TMED10: variants seen among roughly 807,000 people sequenced by gnomAD.
The protein encoded by TMED10 is transmembrane emp24 domain-containing protein 10.
A neutral mutation model predicts 23.1 loss-of-function variants in TMED10; 7 were observed. That is an observed-to-expected ratio of 0.30 (90% CI 0.17 to 0.57). The LOEUF is 0.57. Among genes scored for constraint, TMED10 ranks in the 20% least tolerant of loss-of-function variants. TMED10 has a pLI of 0.91. For missense variants in TMED10, 162 were observed against 274.8 expected (o/e 0.59, Z 2.90); for synonymous variants, 113 against 106.9 (o/e 1.06, Z -0.35).
intron 1 of TMED10, among the ~76,000 whole-genome samples, chr14:75,169,870 G>A (rs565064458): frequency 6.6e-6 from 1 of 152,274 alleles, no homozygotes; most frequent in South Asian, 2.1e-4. Flanking sequence ...GCACTTAGGA[G>A]TTGCACTCCA....
chr14:75,143,249 CT>C (rs1449164294), intron 3 of TMED10, among the ~76,000 whole-genome samples: 1 of 152,178 alleles, frequency 6.6e-6, no homozygotes, highest in African/African-American at 2.4e-5. Flanking sequence ...ATGGTAGGTA[CT>C]GTTTGGAAAA....
intron 2 of TMED10, among the ~76,000 whole-genome samples, chr14:75,150,736 C>T (rs531405762): frequency 2.2e-4 from 33 of 152,210 alleles, no homozygotes; most frequent in Non-Finnish European, 3.5e-4. Flanking sequence ...ATTTGCACAA[C>T]GAAATCACCT....
chr14:75,154,981 CAG>C (rs1175790764), intron 1 of TMED10, among the ~76,000 whole-genome samples: 1 of 146,522 alleles, frequency 6.8e-6, no homozygotes, highest in Non-Finnish European at 1.5e-5. Flanking sequence ...TTTTTTGAGA[CAG>C]AGTCTCGCTG....
chr14:75,140,887 A>G (rs534172640), intron 3 of TMED10, among the ~76,000 whole-genome samples: 13 of 152,206 alleles, frequency 8.5e-5, no homozygotes, highest in Non-Finnish European at 1.8e-4. Context: ...CTCTATTACA[A>G]AGTAGTAATA....
intron 1 of TMED10, among the ~76,000 whole-genome samples, chr14:75,173,191 G>C (rs1464171392): frequency 6.6e-6 from 1 of 152,216 alleles, no homozygotes; most frequent in Non-Finnish European, 1.5e-5. Flanking sequence ...TTCGAGACCA[G>C]CCTGGGTAAC....
At chr14:75,156,916 A>AAAGAG (rs1555356390) in intron 1 of TMED10, among the ~76,000 whole-genome samples, 5 of 135,472 alleles carry the variant, frequency 3.7e-5, no homozygotes, top group South Asian at 2.4e-4. Context: ...CCGTCTCAAA[A>AAAGAG]AAAAGAAAAG....
intron 1 of TMED10, among the ~76,000 whole-genome samples, chr14:75,164,105 G>A (rs1360621283): frequency 2.0e-5 from 3 of 151,438 alleles, no homozygotes; most frequent in Non-Finnish European, 2.9e-5. Flanking sequence ...TTGCTCTGTC[G>A]TAAAGGCTGG....
chr14:75,137,227 G>T (rs1895760842), intron 3 of TMED10, among the ~76,000 whole-genome samples: 1 of 150,104 alleles, frequency 6.7e-6, no homozygotes. Context: ...GGTCAGGATG[G>T]TCTCGATCTC....
chr14:75,164,566 TA>T (rs1896133682), intron 1 of TMED10, among the ~76,000 whole-genome samples: 6 of 2,814 alleles, frequency 2.1e-3, no homozygotes, highest in Non-Finnish European at 5.3e-3. Context: ...TATATATATA[TA>T]TATATATATA....
In TMED10 at chr14:75,152,846, G is replaced by A. The variant is rs143418369; in HGVS notation, c.226-703C>T. On this transcript the variant is annotated intron_variant, in intron 1 of 4. Transcript: ENST00000303575. Reference sequence around the variant, plus strand: ...TCAAGAGTTCAAGACCTGGCTGGGCGCGGTGGCTCACGCCTGTAATCCCAG... The same window carrying A: ...TCAAGAGTTCAAGACCTGGCTGGGCACGGTGGCTCACGCCTGTAATCCCAG... Among the ~76,000 whole-genome samples, 605 of 151,840 alleles carry A rather than the reference G, an allele frequency of 4.0e-3. 4 individuals carry two copies. Among genetic ancestry groups the A allele is most frequent in the African/African-American group, 0.014 (583 of 41,420 alleles).
chr14:75,176,258 T>TC (rs1211686785), intron 1 of TMED10, 97 bp downstream of exon 1: 1 of 1,471,536 alleles, frequency 6.8e-7, no homozygotes, highest in Non-Finnish European at 9.3e-7. Context: ...CCAGAACAAC[T>TC]CCCAGGCCTC....
chr14:75,176,150 G>T (rs1896302053), intron 1 of TMED10: 1 of 624,736 alleles, frequency 1.6e-6, no homozygotes, highest in Non-Finnish European at 2.8e-6. Flanking sequence ...AGCCCTTCTT[G>T]GGGTTCCCAG....
chr14:75,176,338 G>A lies in TMED10; in HGVS notation c.225+17C>T, dbSNP rs1191559223. ...CTGCCGTCTTCCCTCCCGGCCCCAC[G>A]TCGCCCAATGCCGCACCTTGAGGTG... On this transcript the variant is annotated intron_variant, in intron 1 of 4. Coordinates refer to ENST00000303575, the MANE Select transcript of TMED10 (RefSeq NM_006827.6). The A allele has an allele frequency of 1.2e-6, 2 of 1,613,164 alleles. No individual in the cohort carries two copies. The highest frequency in any genetic ancestry group is 1.3e-5 in the African/African-American group (1 of 74,914).
At chr14:75,153,456 A>G (rs1895979756) in intron 1 of TMED10, among the ~76,000 whole-genome samples, 1 of 152,240 alleles carries the variant, frequency 6.6e-6, no homozygotes, top group Non-Finnish European at 1.5e-5. Flanking sequence ...ACTGCTAAGT[A>G]AACAGCCACA....
chr14:75,169,432 C>T (rs1042446456), intron 1 of TMED10, among the ~76,000 whole-genome samples: 4 of 151,854 alleles, frequency 2.6e-5, no homozygotes, highest in Non-Finnish European at 2.9e-5. Flanking sequence ...GGGAGACGGG[C>T]GGATCACCTG....
At chr14:75,160,646 T>A (rs574388053) in intron 1 of TMED10, among the ~76,000 whole-genome samples, 1 of 152,326 alleles carries the variant, frequency 6.6e-6, no homozygotes, top group South Asian at 2.1e-4. Flanking sequence ...ACAAAGGTAA[T>A]ACCAAGCTAT....
chr14:75,154,237 C>A (rs1271646765), intron 1 of TMED10, among the ~76,000 whole-genome samples: 18 of 122,760 alleles, frequency 1.5e-4, no homozygotes, highest in Admixed American at 1.7e-4. Context: ...ACTAAAAATA[C>A]AAAAAAAAAA....
chr14:75,170,833 G>GT (rs1896224994), intron 1 of TMED10, among the ~76,000 whole-genome samples: 1 of 152,144 alleles, frequency 6.6e-6, no homozygotes, highest in South Asian at 2.1e-4. Flanking sequence ...TATGGAAGGA[G>GT]TAACGGAATT....
chr14:75,176,580 G>A lies in TMED10; in HGVS notation c.-1C>T, dbSNP rs752838884. 18 of 1,614,052 alleles carry A rather than the reference G, an allele frequency of 1.1e-5. No homozygotes were observed. Among genetic ancestry groups the A allele is most frequent in the Non-Finnish European group, 1.5e-5 (18 of 1,179,964 alleles). On this transcript the variant is annotated 5_prime_UTR_variant, in exon 1 of 5. Coordinates refer to ENST00000303575, the MANE Select transcript of TMED10 (RefSeq NM_006827.6). ...CTGGTGGGCCAGACAAACCAGACAT[G>A]GTGCTGGAGACTCGTTCACCACCGA...
Sources: allele counts gnomAD v4.1 joint callset (sites outside exome capture counted in the v4.1 genomes callset), GRCh38; gene constraint gnomAD v4.1.1; transcripts MANE v1.5; gene names NCBI Gene and HGNC (gene_info 2026-07-23, HGNC 2026-07-21).